Variants in CDYL2 observed in about 807,000 individuals in gnomAD.
CDYL2 encodes the protein chromodomain Y-like protein 2.
A neutral mutation model predicts 49.4 loss-of-function variants in CDYL2; 23 were observed. The observed-to-expected ratio is 0.47, with a 90% CI of 0.34 to 0.66. The LOEUF (loss-of-function observed/expected upper bound fraction) is 0.66. CDYL2 is among the 30% of genes least tolerant of loss of function. CDYL2 has a pLI of 0.01. For missense variants in CDYL2, 678 were observed against 656.4 expected, an observed-to-expected ratio of 1.03 and a Z score of -0.36; for synonymous variants, 360 against 268.8, an observed-to-expected ratio of 1.34 and a Z score of -3.32.
rs528880699 is a variant in CDYL2 at position 80,675,603 on chromosome 16, T to C, written c.616+8935A>G. On this transcript the variant is annotated intron_variant, in intron 2 of 6. Coordinates refer to ENST00000570137, the MANE Select transcript of CDYL2 (RefSeq NM_152342.4). ...CTGGGATCCACCTCAATGGGGAGAG[T>C]GGCTTTTCACCGACATTAGGAGGTG... Among the ~76,000 whole-genome samples, 115 of 151,752 alleles carry C rather than the reference T, an allele frequency of 7.6e-4. 1 individual carries two copies. The highest frequency in any genetic ancestry group is 2.6e-3 in the African/African-American group (108 of 41,340).
intron 1 of CDYL2, among the ~76,000 whole-genome samples, chr16:80,792,377 T>C (rs1484365157): frequency 6.6e-6 from 1 of 152,148 alleles, no homozygotes; most frequent in African/African-American, 2.4e-5. Context: ...TAGGAAAATA[T>C]TTCAAGAACA....
chr16:80,643,855 G>A (rs1908214512), intron 2 of CDYL2, among the ~76,000 whole-genome samples: 1 of 152,202 alleles, frequency 6.6e-6, no homozygotes, highest in Non-Finnish European at 1.5e-5. Flanking sequence ...TGATGGGAGG[G>A]TCTGCTGTGA....
chr16:80,622,447 TCATTTATCATA>T (rs1385155396), intron 3 of CDYL2, among the ~76,000 whole-genome samples: 1 of 152,108 alleles, frequency 6.6e-6, no homozygotes, highest in East Asian at 1.9e-4. Flanking sequence ...TTTGTTTTCT[TCATTTATCATA>T]CATTTACCTG....
chr16:80,628,549 C>A (rs919279253), intron 3 of CDYL2, among the ~76,000 whole-genome samples: 1 of 152,186 alleles, frequency 6.6e-6, no homozygotes, highest in East Asian at 1.9e-4. Context: ...TTGACAGCAG[C>A]CTTGTAAGAG....
Position 80,620,620 on chromosome 16 carries a change from G to A in CDYL2, c.1007+143C>T, listed in dbSNP as rs1171102926. On this transcript the variant is annotated intron_variant, in intron 4 of 6. Coordinates refer to ENST00000570137, the MANE Select transcript of CDYL2 (RefSeq NM_152342.4). ...AACCAACATTTTAAAAATGTAAGCA[G>A]ACCTCGAGTATTGCACAGGATATAC... 1.6e-5 allele frequency: 10 copies of A among 621,338 alleles called. No homozygotes were observed. In the African/African-American group the frequency reaches 1.7e-4, roughly 11 times the overall value. The allele number at this position is 621,338 out of a possible 1,614,324, so 38.5% of individuals were successfully genotyped here.
chr16:80,671,707 C>G (rs767890513), intron 2 of CDYL2, among the ~76,000 whole-genome samples: 7 of 152,182 alleles, frequency 4.6e-5, no homozygotes, highest in Non-Finnish European at 8.8e-5. Flanking sequence ...ATAAACGATA[C>G]CGAGGCTCCT....
At position 80,772,599 on chromosome 16, in the gene CDYL2, C is replaced by A. The variant is rs577717741; in HGVS notation, c.24+31551G>T. Among the ~76,000 whole-genome samples the A allele has an allele frequency of 3.9e-5, 6 of 152,218 alleles. No homozygotes were observed. In the East Asian group the frequency reaches 1.2e-3, roughly 29 times the overall value. ...TCCCAAGTAGCTGGGACTACAGGCA[C>A]GTGCCACCACGCCCGGCTAATGTTT... On this transcript the variant is annotated intron_variant, in intron 1 of 6. Coordinates refer to ENST00000570137, the MANE Select transcript of CDYL2 (RefSeq NM_152342.4).
intron 1 of CDYL2, among the ~76,000 whole-genome samples, chr16:80,686,381 A>T (rs1910196017): frequency 1.3e-5 from 2 of 152,252 alleles, no homozygotes; most frequent in South Asian, 4.1e-4. Context: ...CCAAATGCTA[A>T]ATTTCAATGA....
chr16:80,641,501 T>G (rs1908084021), intron 2 of CDYL2, among the ~76,000 whole-genome samples: 3 of 152,080 alleles, frequency 2.0e-5, no homozygotes, highest in African/African-American at 7.2e-5. Context: ...AAGGAAGCAC[T>G]TCAATCAGAA....
At chr16:80,782,863 A>C (rs944503637) in intron 1 of CDYL2, among the ~76,000 whole-genome samples, 1 of 152,172 alleles carries the variant, frequency 6.6e-6, no homozygotes, top group Non-Finnish European at 1.5e-5. Context: ...ACATCATAAA[A>C]GATAATTAAG....
At chr16:80,796,253 T>A (rs978387869) in intron 1 of CDYL2, among the ~76,000 whole-genome samples, 1 of 152,192 alleles carries the variant, frequency 6.6e-6, no homozygotes, top group South Asian at 2.1e-4. Context: ...TTCAACTGAT[T>A]GAGTCAGGAC....
chr16:80,673,912 T>A (rs1251255396), intron 2 of CDYL2, among the ~76,000 whole-genome samples: 1 of 152,120 alleles, frequency 6.6e-6, no homozygotes, highest in East Asian at 1.9e-4. Flanking sequence ...TGAGGATGGA[T>A]GCAAAGGTTA....
intron 3 of CDYL2, among the ~76,000 whole-genome samples, chr16:80,632,411 G>A (rs951051705): frequency 6.6e-6 from 1 of 150,384 alleles, no homozygotes; most frequent in African/African-American, 2.5e-5. Context: ...GGGCATGGGA[G>A]AAAGGAGAAT....
At chr16:80,797,548 T>G (rs1227943712) in intron 1 of CDYL2, among the ~76,000 whole-genome samples, 1 of 152,196 alleles carries the variant, frequency 6.6e-6, no homozygotes, top group Non-Finnish European at 1.5e-5. Flanking sequence ...ACTTTCACCC[T>G]TCTATCCTTA....
chr16:80,670,352 G>C (rs1909449654), intron 2 of CDYL2, among the ~76,000 whole-genome samples: 1 of 152,230 alleles, frequency 6.6e-6, no homozygotes, highest in Middle Eastern at 3.4e-3. Flanking sequence ...AGATCTGATG[G>C]TTTTATAAGG....
intron 1 of CDYL2, among the ~76,000 whole-genome samples, chr16:80,768,418 A>C (rs978828210): frequency 1.3e-5 from 2 of 152,222 alleles, no homozygotes; most frequent in South Asian, 2.1e-4. Context: ...AAAATACCAT[A>C]GACTGTGTGA....
At chr16:80,699,623 A>G (rs1041892786) in intron 1 of CDYL2, among the ~76,000 whole-genome samples, 1 of 152,236 alleles carries the variant, frequency 6.6e-6, no homozygotes, top group African/African-American at 2.4e-5. Flanking sequence ...AATATAGTTA[A>G]CAAAATTTTA....
chr16:80,603,464 G>A lies in CDYL2; in HGVS notation c.*924C>T, dbSNP rs539367383. 6.6e-6 allele frequency: 1 copy of A among 152,156 alleles called. No homozygotes were observed. The highest frequency in any genetic ancestry group is 2.1e-4 in the South Asian group (1 of 4,824). 9.4% of individuals were successfully genotyped at this position (152,156 alleles called of 1,614,324 possible). A position where few individuals can be genotyped will look rare whatever the true frequency, so the allele number is the denominator to read the frequency against. On this transcript the variant is annotated 3_prime_UTR_variant, in exon 7 of 7. Coordinates refer to ENST00000570137, the MANE Select transcript of CDYL2 (RefSeq NM_152342.4). ...GAACTAGTATTCTATTATTACAGCT[G>A]AGAACCGTTTTACACAGAGGTGCAG...
chr16:80,690,507 T>C (rs905013776), intron 1 of CDYL2, among the ~76,000 whole-genome samples: 1 of 152,124 alleles, frequency 6.6e-6, no homozygotes, highest in African/African-American at 2.4e-5. Context: ...TATTTTCTTA[T>C]TTTTTATATA....
Sources: allele counts gnomAD v4.1 joint callset (sites outside exome capture counted in the v4.1 genomes callset), GRCh38; gene constraint gnomAD v4.1.1; transcripts MANE v1.5; gene names NCBI Gene and HGNC (gene_info 2026-07-23, HGNC 2026-07-21).